FGD3: variants seen among roughly 807,000 people sequenced by gnomAD.
FGD3 encodes FYVE, RhoGEF and PH domain-containing protein 3.
In FGD3, 45 loss-of-function variants were observed where a neutral mutation model predicts 71.8. The ratio of observed to expected loss-of-function variants is 0.63; its 90% CI spans 0.49 to 0.80. The LOEUF is 0.80. FGD3 is among the 30% of genes least tolerant of loss of function. The pLI is 0.00. For missense variants in FGD3, 844 were observed against 951.5 expected (o/e 0.89, Z 1.49); for synonymous variants, 378 against 392.8 (o/e 0.96, Z 0.44).
intron 5 of FGD3, among the ~76,000 whole-genome samples, chr9:93,005,617 C>G (rs1861019976): frequency 1.3e-5 from 2 of 152,208 alleles, no homozygotes; most frequent in Admixed American, 6.5e-5. Flanking sequence ...CTACAAAGAG[C>G]TACTTTCCCC....
At chr9:92,991,065 A>ATTTG (rs144744941) in intron 3 of FGD3, among the ~76,000 whole-genome samples, 4,146 of 151,140 alleles carry the variant, frequency 0.027, 184 homozygotes, top group African/African-American at 0.088. Flanking sequence ...TTGTTTGGAG[A>ATTTG]TTTGTTTGTT....
chr9:92,962,658 T>G (rs1290267070), intron 1 of FGD3, among the ~76,000 whole-genome samples: 1 of 152,152 alleles, frequency 6.6e-6, no homozygotes, highest in African/African-American at 2.4e-5. Context: ...AGTTCATCAG[T>G]GTCCGGGCAT....
Position 93,003,046 on chromosome 9 carries a change from A to G in FGD3, c.543+32A>G, listed in dbSNP as rs767340631. 3.8e-6 allele frequency: 6 copies of G among 1,588,702 alleles called. No individual in the cohort carries two copies. In the African/African-American group the frequency reaches 8.1e-5, roughly 21 times the overall value. Reference sequence around the variant, plus strand: ...CACATGGCTTGGGGGCAGTTTCAGTATCTCTTAGCATTGGCTGGGCATTAT... The same window carrying G: ...CACATGGCTTGGGGGCAGTTTCAGTGTCTCTTAGCATTGGCTGGGCATTAT... On this transcript the variant is annotated intron_variant, in intron 4 of 17. Coordinates refer to ENST00000375482, the MANE Select transcript of FGD3 (RefSeq NM_001083536.2). The surrounding 1 kb of genome is among the most constrained non-coding windows in gnomAD (Gnocchi z 4.1).
At chr9:92,976,040 T>C (rs1320658870) in intron 2 of FGD3, among the ~76,000 whole-genome samples, 168 bp from the exon 3 acceptor site, 1 of 152,234 alleles carries the variant, frequency 6.6e-6, no homozygotes, top group African/African-American at 2.4e-5. Context: ...AAGACCCAGC[T>C]GAAGCTGACC....
intron 3 of FGD3, among the ~76,000 whole-genome samples, chr9:92,996,771 A>T (rs1413006337): frequency 6.6e-6 from 1 of 152,142 alleles, no homozygotes; most frequent in African/African-American, 2.4e-5. Flanking sequence ...TTCAGTTTCC[A>T]TGTAGTTGAG....
chr9:93,014,879 T>TG (rs1250144170), intron 9 of FGD3, among the ~76,000 whole-genome samples: 1 of 152,006 alleles, frequency 6.6e-6, no homozygotes, highest in East Asian at 1.9e-4. Flanking sequence ...TGACCTCAGG[T>TG]GATCCACCCA....
chr9:93,014,199 A>G (rs1861563632), intron 9 of FGD3, among the ~76,000 whole-genome samples: 1 of 152,054 alleles, frequency 6.6e-6, no homozygotes, highest in Non-Finnish European at 1.5e-5. Flanking sequence ...CCAGACACCA[A>G]ACTTTTGCCA....
intron 5 of FGD3, 85 bp downstream of exon 5, chr9:93,004,222 G>A: frequency 7.1e-6 from 11 of 1,548,266 alleles, no homozygotes; most frequent in Middle Eastern, 1.9e-4. Context: ...GGCAAGTGCT[G>A]GGGGACTGTC....
intron 1 of FGD3, among the ~76,000 whole-genome samples, chr9:92,972,780 C>CTG (rs139020105): frequency 0.045 from 6,799 of 151,554 alleles, 175 homozygotes; most frequent in Middle Eastern, 0.095. Context: ...CTCAGTTTCT[C>CTG]TGTGTGTGTG....
chr9:93,025,354 A>G (rs1245146094), intron 14 of FGD3, among the ~76,000 whole-genome samples: 2 of 152,208 alleles, frequency 1.3e-5, no homozygotes, highest in African/African-American at 4.8e-5. Context: ...CCCTACGAAC[A>G]GTGGATGTGG....
At chr9:93,009,262 C>A (rs1452745122) in intron 6 of FGD3, among the ~76,000 whole-genome samples, 26 of 148,152 alleles carry the variant, frequency 1.8e-4, no homozygotes, top group African/African-American at 2.5e-4. Flanking sequence ...GACTCCGTCT[C>A]AAAAAAAAAA....
chr9:93,007,587 G>C (rs899590814), intron 6 of FGD3, among the ~76,000 whole-genome samples: 1 of 152,188 alleles, frequency 6.6e-6, no homozygotes, highest in Admixed American at 6.5e-5. Flanking sequence ...GAGAGGCAGA[G>C]GTTGCAGTGA....
At chr9:92,992,648 T>C (rs1587836887) in intron 3 of FGD3, among the ~76,000 whole-genome samples, 1 of 152,072 alleles carries the variant, frequency 6.6e-6, no homozygotes, top group African/African-American at 2.4e-5. Flanking sequence ...CAAGCACTCA[T>C]GTGGTCTTGG....
At position 92,956,834 on chromosome 9, in the gene FGD3, C is replaced by CTTTTTT. The variant is rs34469364; in HGVS notation, c.-218+9108_-218+9109insTTTTTT. The stretch of plus-strand genomic sequence containing the variant: ...TGAGATCCATCCATATAATTGCTTT[C>CTTTTTT]TTTCTTTTTTTTTTTTTTTTTGAAG... On this transcript the variant is annotated intron_variant, in intron 1 of 17. Transcript: ENST00000375482. 9.3e-4 allele frequency among the ~76,000 whole-genome samples: 119 copies of CTTTTTT among 127,730 alleles called. 10 individuals carry two copies. Among genetic ancestry groups the CTTTTTT allele is most frequent in the African/African-American group, 1.8e-3 (56 of 31,610 alleles). 83.8% of individuals were successfully genotyped at this position (127,730 alleles called of 152,430 possible).
At chr9:92,986,534 C>T (rs906030210) in intron 3 of FGD3, among the ~76,000 whole-genome samples, 5 of 152,172 alleles carry the variant, frequency 3.3e-5, no homozygotes, top group African/African-American at 9.7e-5. Context: ...TTTGAGAGGG[C>T]GATGTTTATT....
intron 14 of FGD3, among the ~76,000 whole-genome samples, chr9:93,022,964 A>T (rs1161724291): frequency 1.3e-5 from 2 of 151,988 alleles, no homozygotes; most frequent in South Asian, 2.1e-4. Flanking sequence ...CTGCCAGGGG[A>T]TAGGGAACTG....
chr9:93,008,051 T>C lies in FGD3; in HGVS notation c.837+1871T>C, dbSNP rs191789516. Among the ~76,000 whole-genome samples the C allele has an allele frequency of 2.6e-5, 4 of 152,368 alleles. No individual in the cohort carries two copies. The East Asian group carries it at 7.7e-4, about 29-fold the overall frequency. On this transcript the variant is annotated intron_variant, in intron 6 of 17. Transcript: ENST00000375482. ...AAAGGATATTTTAAACGTTAAACTT[T>C]TATTTTGAAATAACTTTAAACCTTT...
At chr9:93,026,902 G>A (rs79770527) in intron 14 of FGD3, among the ~76,000 whole-genome samples, 3,631 of 152,356 alleles carry the variant, frequency 0.024, 141 homozygotes, top group African/African-American at 0.08. Context: ...CTGGGCTGAG[G>A]TGCACATCGG....
intron 3 of FGD3, among the ~76,000 whole-genome samples, chr9:92,999,679 C>T (rs925603899): frequency 1.1e-4 from 17 of 151,594 alleles, no homozygotes; most frequent in East Asian, 3.9e-4. Flanking sequence ...CTGTAACCTC[C>T]GCCTCCCGGG....
Sources: gnomAD v4.1 joint callset for allele counts (sites outside exome capture counted in the v4.1 genomes callset) on GRCh38, gnomAD v4.1.1 for gene constraint, Gnocchi (gnomAD v3.1) non-coding constraint, MANE v1.5 for transcripts, NCBI Gene and HGNC (gene_info 2026-07-23, HGNC 2026-07-21) for gene names.